ZFHX3: variants seen among roughly 807,000 people sequenced by gnomAD.
The protein encoded by ZFHX3 is zinc finger homeobox 3.
ZFHX3 carries 42 observed loss-of-function variants against 279.1 expected under a neutral mutation model. That is an observed-to-expected ratio of 0.15 (90% confidence interval 0.12 to 0.19). The LOEUF (loss-of-function observed/expected upper bound fraction) is 0.19. Among genes scored for constraint, ZFHX3 ranks in the 10% least tolerant of loss-of-function variants. The probability of loss-of-function intolerance (pLI) is 1.00; values close to 1 mark genes in which losing one functional copy is unlikely to be tolerated. For missense variants in ZFHX3, 4,981 were observed against 4,754.0 expected (o/e 1.05, Z -1.40); for synonymous variants, 2,293 against 1,957.8 (o/e 1.17, Z -4.52).
chr16:73,013,068 G>C (rs1246470982), intron 1 of ZFHX3, among the ~76,000 whole-genome samples: 1 of 152,128 alleles, frequency 6.6e-6, no homozygotes, highest in Non-Finnish European at 1.5e-5. Context: ...CGCTCAGGAG[G>C]TACAGACCTA....
At chr16:73,889,674 T>C (rs1314915278) in intron 1 of ZFHX3, among the ~76,000 whole-genome samples, 1 of 152,170 alleles carries the variant, frequency 6.6e-6, no homozygotes, top group Non-Finnish European at 1.5e-5. Context: ...AAACACCCAC[T>C]GCCTACCGGA....
intron 5 of ZFHX3, among the ~76,000 whole-genome samples, chr16:72,814,846 A>G (rs1315501854): frequency 6.6e-6 from 1 of 152,166 alleles, no homozygotes; most frequent in African/African-American, 2.4e-5. Context: ...CCTTTATTAG[A>G]TCAAATCTGT....
intron 2 of ZFHX3, among the ~76,000 whole-genome samples, chr16:73,509,320 T>A (rs2019381676): frequency 6.6e-6 from 1 of 152,080 alleles, no homozygotes; most frequent in Non-Finnish European, 1.5e-5. Context: ...CATCTCTTCT[T>A]CACTATGTTT....
intron 3 of ZFHX3, among the ~76,000 whole-genome samples, chr16:72,930,867 T>C (rs77621608): frequency 0.041 from 6,199 of 152,232 alleles, 298 homozygotes; most frequent in African/African-American, 0.1. Flanking sequence ...TGGTACAAGG[T>C]GCCATCACTG....
At chr16:73,062,810 A>T (rs187005262), upstream of ZFHX3, among the ~76,000 whole-genome samples, 352 of 152,230 alleles carry the variant, frequency 2.3e-3, 2 homozygotes, top group Admixed American at 4.3e-3. Context: ...AGCTAGATCT[A>T]AGGAAGGGGT....
At chr16:72,948,661 T>G (rs933379334) in intron 3 of ZFHX3, among the ~76,000 whole-genome samples, 5 of 152,040 alleles carry the variant, frequency 3.3e-5, no homozygotes, top group Admixed American at 2.0e-4. Context: ...CATTTTAGAG[T>G]CTAAAGGGCA....
intron 1 of ZFHX3, among the ~76,000 whole-genome samples, chr16:73,682,934 GAAAGAAAGAA>G (rs1567550658): frequency 1.0e-4 from 2 of 19,524 alleles, no homozygotes; most frequent in African/African-American, 3.4e-4. Flanking sequence ...GAGAAAGAAA[GAAAGAAAGAA>G]AGAAAGAAAG....
At chr16:73,624,085 T>C (rs1459642747) in intron 2 of ZFHX3, among the ~76,000 whole-genome samples, 1 of 152,234 alleles carries the variant, frequency 6.6e-6, no homozygotes, top group Non-Finnish European at 1.5e-5. Flanking sequence ...GTCTAAGTGT[T>C]AATGTAATTT....
rs182926250 is a variant in ZFHX3, at chr16:72,930,334, C to T, written c.3216+20135G>A. ...AGGGGAGCGGCATCTGATCAAAACA[C>T]CCCTTTATGGTTCTTCTGCACCTAA... On this transcript the variant is annotated intron_variant, in intron 3 of 9. Transcript: ENST00000268489. 2.4e-3 allele frequency among the ~76,000 whole-genome samples: 358 copies of T among 152,256 alleles called. 1 individual carries two copies. The highest frequency in any genetic ancestry group is 0.01 in the Middle Eastern group (3 of 294).
At chr16:72,977,753 G>A (rs1317116649) in intron 1 of ZFHX3, among the ~76,000 whole-genome samples, 1 of 152,196 alleles carries the variant, frequency 6.6e-6, no homozygotes, top group African/African-American at 2.4e-5. Flanking sequence ...GCGGGGCAAT[G>A]AAAATCTGTG....
intron 8 of ZFHX3, among the ~76,000 whole-genome samples, chr16:73,077,803 T>C (rs1001431531): frequency 1.4e-4 from 22 of 152,134 alleles, no homozygotes; most frequent in Non-Finnish European, 2.5e-4. Context: ...GTCAAAGCCA[T>C]TATTTTTCTT....
At chr16:73,140,914 C>T (rs1219340877) in intron 6 of ZFHX3, among the ~76,000 whole-genome samples, 1 of 152,030 alleles carries the variant, frequency 6.6e-6, no homozygotes, top group African/African-American at 2.4e-5. Flanking sequence ...CTTTACACTC[C>T]CCAAGGCATC....
intron 3 of ZFHX3, among the ~76,000 whole-genome samples, chr16:73,385,760 A>AGGAGGG (rs1387133332): frequency 1.3e-5 from 2 of 152,214 alleles, no homozygotes; most frequent in Admixed American, 6.5e-5. Context: ...AGGTATGGGC[A>AGGAGGG]GGAGGGGCCT....
chr16:73,712,549 G>A (rs1402407596), intron 1 of ZFHX3, among the ~76,000 whole-genome samples: 1 of 152,196 alleles, frequency 6.6e-6, no homozygotes, highest in Non-Finnish European at 1.5e-5. Flanking sequence ...TACCTCTTAT[G>A]AGCCTCTCAG....
At chr16:73,728,471 A>G (rs1251103245) in intron 1 of ZFHX3, among the ~76,000 whole-genome samples, 1 of 152,210 alleles carries the variant, frequency 6.6e-6, no homozygotes, top group East Asian at 1.9e-4. Flanking sequence ...CATCATTGTA[A>G]AAAGTTCTAT....
At chr16:73,463,714 C>A (rs1344636074) in intron 2 of ZFHX3, among the ~76,000 whole-genome samples, 1 of 152,156 alleles carries the variant, frequency 6.6e-6, no homozygotes, top group Non-Finnish European at 1.5e-5. Context: ...GATTCGCTGG[C>A]CCTCATATCA....
intron 2 of ZFHX3, among the ~76,000 whole-genome samples, chr16:73,652,292 T>G (rs1407795697): frequency 2.0e-5 from 3 of 152,170 alleles, no homozygotes; most frequent in Non-Finnish European, 2.9e-5. Context: ...TTTTATAAGC[T>G]TGCCCAGTTG....
intron 1 of ZFHX3, among the ~76,000 whole-genome samples, chr16:73,691,134 T>G (rs2053145869): frequency 1.3e-5 from 2 of 152,190 alleles, no homozygotes; most frequent in Non-Finnish European, 2.9e-5. Flanking sequence ...TGGAGTGAGC[T>G]CTTGCTGCTG....
At chr16:73,629,771 C>T (rs1335420533) in intron 2 of ZFHX3, among the ~76,000 whole-genome samples, 1 of 152,138 alleles carries the variant, frequency 6.6e-6, no homozygotes, top group Non-Finnish European at 1.5e-5. Flanking sequence ...TGACACTTTT[C>T]TCCTCTAGCT....
Sources: allele counts gnomAD v4.1 joint callset (sites outside exome capture counted in the v4.1 genomes callset), GRCh38; gene constraint gnomAD v4.1.1; transcripts MANE v1.5; gene names NCBI Gene and HGNC (gene_info 2026-07-23, HGNC 2026-07-21).